The following KANTR variants were observed in gnomAD, a reference collection of about 807,000 sequenced individuals.
KANTR encodes the protein KDM5C adjacent transcript.
chrX:53,125,026 G>A (rs181415335), exon 3 of KANTR: 1 of 111,760 alleles, frequency 8.9e-6, no homozygotes, highest in East Asian at 2.8e-4. Flanking sequence ...ATGTTCAACT[G>A]TAATGGTGGA....
chrX:53,112,297 A>G (rs1933053685), intron 2 of KANTR, among the ~76,000 whole-genome samples: 1 of 112,262 alleles, frequency 8.9e-6, no homozygotes, highest in Admixed American at 9.5e-5. Context: ...TGCGAATGCC[A>G]TTATTTCATT....
At chrX:53,133,459 T>C (rs1166485682) in intron 2 of KANTR, among the ~76,000 whole-genome samples, 6 of 111,269 alleles carry the variant, frequency 5.4e-5, no homozygotes, top group Admixed American at 9.5e-5. Context: ...CATCATCCTT[T>C]AGAGTCTGCT....
chrX:53,113,173 G>T, intron 2 of KANTR: 1 of 243,838 alleles, frequency 4.1e-6, no homozygotes, highest in South Asian at 6.2e-5. Context: ...CGTGGCTGTA[G>T]GGGAAGATTG....
At chrX:53,132,562 C>G (rs1933372347) in intron 2 of KANTR, among the ~76,000 whole-genome samples, 1 of 112,090 alleles carries the variant, frequency 8.9e-6, no homozygotes, top group Non-Finnish European at 1.9e-5. Context: ...TGGATCATGC[C>G]AAGTCCTTTA....
chrX:53,142,927 ACC>A, downstream of KANTR: 4 of 710,743 alleles, frequency 5.6e-6, no homozygotes, highest in Non-Finnish European at 9.0e-6. Flanking sequence ...ACCAATCCAC[ACC>A]GAGTACTTGT....
chrX:53,095,825 C>T (rs1602109644), intron 1 of KANTR, among the ~76,000 whole-genome samples: 1 of 110,581 alleles, frequency 9.0e-6, no homozygotes, highest in East Asian at 2.8e-4. Context: ...TTTATATGGT[C>T]GTTAAATTTC....
intron 2 of KANTR, among the ~76,000 whole-genome samples, chrX:53,115,406 C>G (rs368465722): frequency 8.9e-6 from 1 of 112,148 alleles, no homozygotes; most frequent in Non-Finnish European, 1.9e-5. Flanking sequence ...CAGCCCCATG[C>G]TGGGGATGGT....
downstream of KANTR, among the ~76,000 whole-genome samples, chrX:53,146,619 A>G (rs1479475876): frequency 9.0e-6 from 1 of 111,495 alleles, no homozygotes; most frequent in Non-Finnish European, 1.9e-5. Flanking sequence ...CCAACATTCA[A>G]ACACCACAAA....
At chrX:53,129,069 T>C (rs1488137967), downstream of KANTR, among the ~76,000 whole-genome samples, 3 of 82,766 alleles carry the variant, frequency 3.6e-5, no homozygotes, top group South Asian at 5.8e-4. Context: ...CTTCTTCTTT[T>C]TTTTTTTTTT....
downstream of KANTR, among the ~76,000 whole-genome samples, chrX:53,145,095 AT>A (rs1309735499): frequency 1.8e-5 from 2 of 111,662 alleles, no homozygotes; most frequent in Non-Finnish European, 3.8e-5. Flanking sequence ...AAGACGGGTG[AT>A]TTCTGAACTT....
intron 2 of KANTR, among the ~76,000 whole-genome samples, chrX:53,134,393 G>A (rs1326614193): frequency 5.4e-5 from 6 of 110,569 alleles, no homozygotes; most frequent in African/African-American, 9.9e-5. Flanking sequence ...CGCAAAAATC[G>A]AGGAAATGAG....
chrX:53,136,156 A>G (rs1556817580), intron 2 of KANTR, among the ~76,000 whole-genome samples: 3 of 111,788 alleles, frequency 2.7e-5, no homozygotes, highest in Non-Finnish European at 5.6e-5. Flanking sequence ...CCTAACCAAC[A>G]CTATTTCTCT....
chrX:53,132,040 A>G (rs147186600), downstream of KANTR, among the ~76,000 whole-genome samples: 4,431 of 112,246 alleles, frequency 0.039, 94 homozygotes, highest in African/African-American at 0.073. Flanking sequence ...ATCTAAAAAT[A>G]TGACTTAGGA....
At chrX:53,131,045 C>T (rs1933356138), downstream of KANTR, among the ~76,000 whole-genome samples, 1 of 111,540 alleles carries the variant, frequency 9.0e-6, no homozygotes, top group South Asian at 3.8e-4. Context: ...TACTGAGAGG[C>T]TTTGAAGATG....
At chrX:53,136,145 A>G (rs1369815991) in intron 2 of KANTR, among the ~76,000 whole-genome samples, 2 of 111,885 alleles carry the variant, frequency 1.8e-5, no homozygotes, top group African/African-American at 3.2e-5. Flanking sequence ...TTTGGGGTTG[A>G]CCTAACCAAC....
At chrX:53,098,565 T>C (rs1452291546) in intron 1 of KANTR, among the ~76,000 whole-genome samples, 1 of 111,993 alleles carries the variant, frequency 8.9e-6, no homozygotes, top group African/African-American at 3.2e-5. Flanking sequence ...TGGAGTCAGT[T>C]CTCTCAAACC....
intron 1 of KANTR, among the ~76,000 whole-genome samples, chrX:53,097,658 T>C (rs1351726347): frequency 9.3e-6 from 1 of 107,614 alleles, no homozygotes; most frequent in Non-Finnish European, 1.9e-5. Flanking sequence ...CAGCCAAGAA[T>C]TTTTAAACTT....
intron 2 of KANTR, chrX:53,113,111 C>T: frequency 7.0e-6 from 2 of 285,729 alleles, no homozygotes; most frequent in South Asian, 8.5e-5. Context: ...CTTCTTCTTG[C>T]CCATGGGCAG....
At chrX:53,097,773 G>T (rs1472531382) in intron 1 of KANTR, among the ~76,000 whole-genome samples, 1 of 108,180 alleles carries the variant, frequency 9.2e-6, no homozygotes, top group African/African-American at 3.3e-5. Context: ...ATTACAGACT[G>T]GGCGCAGTGG....
Sources: allele counts gnomAD v4.1 joint callset (sites outside exome capture counted in the v4.1 genomes callset), GRCh38; gene constraint gnomAD v4.1.1; transcripts MANE v1.5; gene names NCBI Gene and HGNC (gene_info 2026-07-23, HGNC 2026-07-21).